CHD5: variants seen among roughly 807,000 people sequenced by gnomAD.
CHD5 encodes the protein ATP-dependent chromatin remodeler CHD5.
In CHD5, 69 loss-of-function variants were observed where a neutral mutation model predicts 230.3. The ratio of observed to expected loss-of-function variants is 0.30; its 90% CI spans 0.25 to 0.37. The LOEUF is 0.37. CHD5 is among the 10% of genes least tolerant of loss of function. The pLI is 1.00. For missense variants in CHD5, 1,827 were observed against 2,622.8 expected, an observed-to-expected ratio of 0.70 and a Z score of 6.63; for synonymous variants, 1,064 against 1,065.9, an observed-to-expected ratio of 1.00 and a Z score of 0.03.
chr1:6,123,496 G>T (rs970832793), intron 31 of CHD5, among the ~76,000 whole-genome samples: 1 of 151,588 alleles, frequency 6.6e-6, no homozygotes, highest in Non-Finnish European at 1.5e-5. Flanking sequence ...GTGTGATCTT[G>T]GCTCACTGCA....
intron 1 of CHD5, among the ~76,000 whole-genome samples, chr1:6,178,556 C>T (rs939680666): frequency 2.6e-5 from 4 of 151,930 alleles, no homozygotes; most frequent in African/African-American, 9.7e-5. Flanking sequence ...AGTTCCCCTC[C>T]GGAGAATGGG....
chr1:6,171,235 C>G (rs1192396847), intron 1 of CHD5, among the ~76,000 whole-genome samples: 2 of 152,326 alleles, frequency 1.3e-5, no homozygotes, highest in Middle Eastern at 6.8e-3. Flanking sequence ...AGGGGGACCC[C>G]TGCTCTGGCC....
chr1:6,140,405 A>C (rs1340625480), intron 15 of CHD5, among the ~76,000 whole-genome samples: 1 of 151,696 alleles, frequency 6.6e-6, no homozygotes, highest in Non-Finnish European at 1.5e-5. Context: ...TCTCAAAAAA[A>C]AAAAAGAAAA....
chr1:6,110,321 T>C lies in CHD5; in HGVS notation c.5382+73A>G, dbSNP rs1417090091. 1.9e-6 allele frequency: 3 copies of C among 1,575,386 alleles called. No individual in the cohort carries two copies. In the African/African-American group the frequency reaches 4.1e-5, roughly 21 times the overall value. The stretch of plus-strand genomic sequence containing the variant: ...GGAGGGGTTGCTGCTCTCTAATTCC[T>C]TTGCCTTTGCGAGGGTCCTCCTGAC... On this transcript the variant is annotated intron_variant, in intron 37 of 41. Coordinates refer to ENST00000262450, the MANE Select transcript of CHD5 (RefSeq NM_015557.3).
chr1:6,121,027 C>T lies in CHD5; in HGVS notation c.4912+78G>A, dbSNP rs1239701998. ...CAGGGAGAAATGAGCGGAAGTACAG[C>T]CACCTGCCCTTCTCTGAACCCAGGC... On this transcript the variant is annotated intron_variant, in intron 33 of 41. Coordinates refer to ENST00000262450, the MANE Select transcript of CHD5 (RefSeq NM_015557.3). This position sits in a 1 kb window ranked among gnomAD's most constrained non-coding sequence, Gnocchi z 4.5. 6.3e-6 allele frequency: 9 copies of T among 1,427,710 alleles called. No homozygotes were observed. The highest frequency in any genetic ancestry group is 2.8e-5 in the Admixed American group (1 of 35,960). 88.4% of individuals were successfully genotyped at this position (1,427,710 alleles called of 1,614,324 possible).
At chr1:6,132,169 C>G (rs1342067378) in intron 20 of CHD5, among the ~76,000 whole-genome samples, 1 of 152,178 alleles carries the variant, frequency 6.6e-6, no homozygotes, top group Non-Finnish European at 1.5e-5. Context: ...GTGATGTCTT[C>G]CCTGATTTCA....
chr1:6,112,783 C>A, intron 34 of CHD5, 126 bp downstream of exon 34: 1 of 671,890 alleles, frequency 1.5e-6, no homozygotes. Flanking sequence ...CTCCCACCTG[C>A]CAGCTCCAAT....
In CHD5 at chr1:6,142,964, TACTC is replaced by T. The variant is rs1221529584; in HGVS notation, c.2044-363_2044-360del. 1.4e-4 allele frequency among the ~76,000 whole-genome samples: 22 copies of T among 152,282 alleles called. No individual in the cohort carries two copies. The highest frequency in any genetic ancestry group is 4.3e-4 in the African/African-American group (18 of 41,556). On this transcript the variant is annotated intron_variant, in intron 13 of 41. Transcript: ENST00000262450. The surrounding 1 kb of genome is among the most constrained non-coding windows in gnomAD (Gnocchi z 5.2). ...ACAGTGCCTGGGACATGTGGTCACT[TACTC>T]ACCATTTTTTGGATGAACAACAAAA...
chr1:6,125,668 C>A lies in CHD5; in HGVS notation c.4172-56G>T. On this transcript the variant is annotated intron_variant, in intron 27 of 41. Coordinates refer to ENST00000262450, the MANE Select transcript of CHD5 (RefSeq NM_015557.3). This position sits in a 1 kb window ranked among gnomAD's most constrained non-coding sequence, Gnocchi z 6.7. ...TGGGAGCCCAGAGATTCCTGATCCCCAAGGACAGCGGGACCCCAGACCAGC... is the reference window on the plus strand; with the variant it reads ...TGGGAGCCCAGAGATTCCTGATCCCAAAGGACAGCGGGACCCCAGACCAGC... 1.2e-6 allele frequency: 2 copies of A among 1,607,562 alleles called. No individual in the cohort carries two copies. Among genetic ancestry groups the A allele is most frequent in the South Asian group, 1.1e-5 (1 of 90,920 alleles).
intron 38 of CHD5, among the ~76,000 whole-genome samples, chr1:6,108,525 G>A (rs1344150928): frequency 6.8e-6 from 1 of 147,968 alleles, no homozygotes; most frequent in Non-Finnish European, 1.5e-5. Flanking sequence ...ATGATGAAGG[G>A]ATGACGGAGA....
intron 33 of CHD5, 68 bp from the exon 34 acceptor site, chr1:6,113,066 G>A: frequency 9.3e-7 from 1 of 1,078,412 alleles, no homozygotes; most frequent in Non-Finnish European, 1.4e-6. Context: ...CTGGGCTCGT[G>A]GCTTTCCACC....
At chr1:6,133,724 C>T (rs970005429) in intron 20 of CHD5, among the ~76,000 whole-genome samples, 2 of 152,258 alleles carry the variant, frequency 1.3e-5, no homozygotes, top group Non-Finnish European at 2.9e-5. Context: ...CCTGAGCCGG[C>T]GGCCCTGCCT....
At chr1:6,110,044 C>A in intron 37 of CHD5, 54 bp from the exon 38 acceptor site, 2 of 1,421,284 alleles carry the variant, frequency 1.4e-6, no homozygotes, top group Admixed American at 2.8e-5. Flanking sequence ...GGCTACCCTC[C>A]GTGCTCCACC....
intron 5 of CHD5, among the ~76,000 whole-genome samples, chr1:6,153,155 C>T (rs956578104): frequency 7.2e-5 from 11 of 152,342 alleles, no homozygotes; most frequent in South Asian, 4.1e-4. Flanking sequence ...CTCCCCAGGC[C>T]GTCCTCTGGC....
chr1:6,160,235 G>GAA (rs1557559428), intron 2 of CHD5, among the ~76,000 whole-genome samples: 7 of 80,690 alleles, frequency 8.7e-5, no homozygotes, highest in African/African-American at 4.0e-4. Context: ...AGCCAGAGAA[G>GAA]GGCCCCAGCC....
At chr1:6,175,226 G>A (rs1043712900) in intron 1 of CHD5, among the ~76,000 whole-genome samples, 5 of 147,336 alleles carry the variant, frequency 3.4e-5, no homozygotes, top group Admixed American at 6.7e-5. Context: ...GGTTGGATGC[G>A]TGGTTGGATT....
chr1:6,170,274 T>C (rs551280908), intron 1 of CHD5, among the ~76,000 whole-genome samples: 1 of 152,162 alleles, frequency 6.6e-6, no homozygotes, highest in South Asian at 2.1e-4. Flanking sequence ...CACTCACCTG[T>C]CACCCTCCAC....
In CHD5 at chr1:6,134,171, T is replaced by C. The variant is rs764473779; in HGVS notation, c.3101A>G (p.Lys1034Arg). ...GKLMLLQKML[K>R]KLRDEGHRVL... ...ACGGTGCCCCTCATCCCGCAGTTTC[T>C]TCAGCATCTTCTGTAGCAGCATGAG... Residue 1034 changes from lysine (K) to arginine (R), a missense_variant, in exon 20 of 42, where the codon AAG becomes AGG. By Grantham distance (26) the Lys-to-Arg change is conservative. This residue lies in a region of CHD5 where 38 missense variants were observed against 49.5 expected (regional missense o/e 0.77). Coordinates refer to ENST00000262450, the MANE Select transcript of CHD5 (RefSeq NM_015557.3). This position sits in a 1 kb window ranked among gnomAD's most constrained non-coding sequence, Gnocchi z 6.3. 24 of 1,613,890 alleles carry C rather than the reference T, an allele frequency of 1.5e-5. No homozygotes were observed. The highest frequency in any genetic ancestry group is 2.0e-5 in the Non-Finnish European group (24 of 1,179,948).
chr1:6,168,605 G>A (rs541196472), intron 1 of CHD5, among the ~76,000 whole-genome samples: 56 of 152,286 alleles, frequency 3.7e-4, no homozygotes, highest in Admixed American at 2.1e-3. Context: ...CATCACTGCC[G>A]GAGAAACGGA....
Sources: gnomAD v4.1 joint callset for allele counts (sites outside exome capture counted in the v4.1 genomes callset) on GRCh38, gnomAD v4.1.1 for gene constraint, gnomAD v4.1.1 regional missense constraint, Gnocchi (gnomAD v3.1) non-coding constraint, MANE v1.5 for transcripts, NCBI Gene and HGNC (gene_info 2026-07-23, HGNC 2026-07-21) for gene names.